Variants in FBXO3 observed in about 807,000 individuals in gnomAD.
The protein encoded by FBXO3 is F-box protein 3, also known as F-box only protein 3.
Under a neutral mutation model 64.8 loss-of-function variants are expected in FBXO3, and 17 were observed. The observed-to-expected ratio is 0.26, with a 90% CI of 0.18 to 0.39. FBXO3 has a LOEUF of 0.39. FBXO3 is among the 10% of genes least tolerant of loss of function. The probability of loss-of-function intolerance (pLI) is 1.00; values close to 1 mark genes in which losing one functional copy is unlikely to be tolerated. For missense variants in FBXO3, 420 were observed against 589.9 expected, an observed-to-expected ratio of 0.71 and a Z score of 2.98; for synonymous variants, 182 against 201.6, an observed-to-expected ratio of 0.90 and a Z score of 0.82.
In FBXO3 at chr11:33,741,914, A is replaced by C; in HGVS notation, c.1410T>G (p.Leu470=). Residue 470 remains leucine, a synonymous_variant, in exon 11 of 11, where the codon CTT becomes CTG. Coordinates refer to ENST00000265651, the MANE Select transcript of FBXO3 (RefSeq NM_012175.4). Reference sequence around the variant, plus strand: ...TCCATCAGCAGAAGGCTTGCTAAAAAAGGCGTGAGCAGCGGCGTCTGCGAA... The same window carrying C: ...TCCATCAGCAGAAGGCTTGCTAAAACAGGCGTGAGCAGCGGCGTCTGCGAA... ...VPIRRRRCSR[L]F is the part of the protein sequence containing the mutation. The C allele has an allele frequency of 6.2e-7, 1 of 1,610,160 alleles. No homozygotes were observed. The highest frequency in any genetic ancestry group is 8.5e-7 in the Non-Finnish European group (1 of 1,178,264).
intron 3 of FBXO3, among the ~76,000 whole-genome samples, chr11:33,764,747 G>C (rs966088888): frequency 2.6e-5 from 4 of 152,132 alleles, no homozygotes; most frequent in African/African-American, 9.7e-5. Flanking sequence ...GCCTACACGG[G>C]CAGATCACTT....
rs375507057 is a variant in FBXO3, at chr11:33,769,723, G to GGA, written c.195-711_195-710dup. On this transcript the variant is annotated intron_variant, in intron 2 of 10. Transcript: ENST00000265651. ...AATATAGAAGGAGGGAGAGAAGTGG[G>GGA]GAGAGAGAGAGAGACACGCCTAGGA... Among the ~76,000 whole-genome samples the GGA allele has an allele frequency of 2.6e-5, 4 of 151,440 alleles. No homozygotes were observed. In the South Asian group the frequency reaches 6.3e-4, roughly 24 times the overall value.
chr11:33,767,691 G>C (rs919034093), intron 3 of FBXO3: 4 of 152,172 alleles, frequency 2.6e-5, no homozygotes, highest in Non-Finnish European at 5.9e-5. Context: ...ATTAAATGGA[G>C]TAATACTCAA....
At chr11:33,754,640 T>C in intron 5 of FBXO3, 140 bp from the exon 6 acceptor site, 1 of 623,392 alleles carries the variant, frequency 1.6e-6, no homozygotes, top group Non-Finnish European at 2.6e-6. Flanking sequence ...CTTGTTATCC[T>C]AGAAGAAAGG....
chr11:33,748,263 A>ACTT (rs1854867974), intron 9 of FBXO3, among the ~76,000 whole-genome samples: 1 of 152,222 alleles, frequency 6.6e-6, no homozygotes, highest in African/African-American at 2.4e-5. Context: ...AGAAAACGTT[A>ACTT]AACTGAATTC....
Position 33,747,193 on chromosome 11 carries a change from A to G in FBXO3, c.1176T>C (p.Phe392=). 1 of 1,611,036 alleles carries G rather than the reference A, an allele frequency of 6.2e-7. No homozygotes were observed. The highest frequency in any genetic ancestry group is 8.5e-7 in the Non-Finnish European group (1 of 1,179,340). Residue 392 remains phenylalanine, a synonymous_variant, in exon 10 of 11, where the codon TTT becomes TTC. Transcript: ENST00000265651. ...TATGGAATCGGGGAATGGCAACATT[A>G]AAGATCTTGTCTTTAAAGTAAAGAA... is the stretch of plus-strand genomic sequence containing the variant. ...FHFLYFKDKI[F]NVAIPRFHMA...
chr11:33,745,692 A>G (rs1854797972), intron 10 of FBXO3: 1 of 152,198 alleles, frequency 6.6e-6, no homozygotes, highest in Non-Finnish European at 1.5e-5. Context: ...TGGAGAGAGA[A>G]AAGTTCTAAA....
rs543185836 is a variant in FBXO3 at position 33,751,813 on chromosome 11, T to A, written c.725-206A>T. On this transcript the variant is annotated intron_variant, in intron 6 of 10. Coordinates refer to ENST00000265651, the MANE Select transcript of FBXO3 (RefSeq NM_012175.4). ...TTCCTTGGGATTCTCCCCCTCTTCA[T>A]CCCCCCAACTATTGTTAGAGAATCC... Among the ~76,000 whole-genome samples the A allele has an allele frequency of 5.9e-5, 9 of 152,296 alleles. No individual in the cohort carries two copies. The East Asian group carries it at 9.6e-4, about 16-fold the overall frequency.
chr11:33,765,421 C>T (rs1006345745), intron 3 of FBXO3, among the ~76,000 whole-genome samples: 2 of 152,012 alleles, frequency 1.3e-5, no homozygotes, highest in African/African-American at 4.8e-5. Flanking sequence ...AGACACTTAA[C>T]ATGTAACATT....
chr11:33,767,289 G>GTTTTT (rs576791003), intron 3 of FBXO3, among the ~76,000 whole-genome samples: 5 of 149,178 alleles, frequency 3.4e-5, no homozygotes, highest in African/African-American at 4.9e-5. Context: ...AAACAACTTA[G>GTTTTT]TTTTTTTTTT....
intron 3 of FBXO3, among the ~76,000 whole-genome samples, chr11:33,766,782 C>T (rs1371395275): frequency 6.6e-6 from 1 of 152,116 alleles, no homozygotes; most frequent in Non-Finnish European, 1.5e-5. Flanking sequence ...AGGTTCCTGA[C>T]TTGGTTTTAA....
chr11:33,754,040 T>A (rs1304276251), intron 6 of FBXO3: 1 of 154,896 alleles, frequency 6.5e-6, no homozygotes, highest in Non-Finnish European at 1.4e-5. Flanking sequence ...TGGAGGTCTC[T>A]AATGTGACTT....
intron 4 of FBXO3, among the ~76,000 whole-genome samples, chr11:33,757,678 A>AAAAAC (rs1251528490): frequency 7.0e-6 from 1 of 143,166 alleles, no homozygotes; most frequent in African/African-American, 2.6e-5. Context: ...AAAAAAAAAA[A>AAAAAC]AAAGTCTGGG....
At chr11:33,742,825 CATT>C (rs1452013574) in intron 10 of FBXO3, 7 of 152,020 alleles carry the variant, frequency 4.6e-5, no homozygotes, top group Non-Finnish European at 1.0e-4. Flanking sequence ...CAGCAACAGT[CATT>C]ATTATCTCTC....
intron 10 of FBXO3, chr11:33,746,803 G>A (rs1590561966): frequency 7.1e-7 from 1 of 1,405,834 alleles, no homozygotes; most frequent in Non-Finnish European, 9.2e-7. Context: ...GGAAGTTTGA[G>A]CAAAAACACT....
chr11:33,771,718 T>G (rs1320166700), intron 1 of FBXO3: 3 of 152,204 alleles, frequency 2.0e-5, no homozygotes, highest in African/African-American at 7.2e-5. Flanking sequence ...TTTGTTTGAT[T>G]TTCAGATTTT....
chr11:33,762,231 G>A (rs148744553), intron 3 of FBXO3, among the ~76,000 whole-genome samples: 1 of 152,208 alleles, frequency 6.6e-6, no homozygotes, highest in African/African-American at 2.4e-5. Context: ...ATAACTAACA[G>A]AACAGGCAGA....
intron 10 of FBXO3, 39 bp from the exon 11 acceptor site, chr11:33,742,123 TATC>T (rs1854702333): frequency 6.8e-7 from 1 of 1,467,654 alleles, no homozygotes; most frequent in Non-Finnish European, 9.0e-7. Flanking sequence ...GAAGAGCATC[TATC>T]AGTTTTTTAG....
intron 1 of FBXO3, chr11:33,772,827 T>C (rs1415272444): frequency 6.6e-6 from 1 of 151,910 alleles, no homozygotes; most frequent in Non-Finnish European, 1.5e-5. Context: ...AATCTTTGAA[T>C]AGGAAGATAA....
Sources: gnomAD v4.1 joint callset for allele counts (sites outside exome capture counted in the v4.1 genomes callset) on GRCh38, gnomAD v4.1.1 for gene constraint, MANE v1.5 for transcripts, NCBI Gene and HGNC (gene_info 2026-07-23, HGNC 2026-07-21) for gene names.